SORCS2: variants seen among roughly 807,000 people sequenced by gnomAD.
SORCS2 encodes the protein sortilin related VPS10 domain containing receptor 2.
SORCS2 carries 100 observed loss-of-function variants against 141.6 expected under a neutral mutation model. The ratio of observed to expected loss-of-function variants is 0.71; its 90% CI spans 0.60 to 0.83. SORCS2 has a LOEUF of 0.83. Ranked by LOEUF, SORCS2 falls within the 40% of genes least tolerant of loss-of-function variation. SORCS2 has a pLI of 0.00. For missense variants in SORCS2, 1,646 were observed against 1,560.2 expected, an observed-to-expected ratio of 1.05 and a Z score of -0.93; for synonymous variants, 789 against 676.9, an observed-to-expected ratio of 1.17 and a Z score of -2.57.
chr4:7,304,094 G>C (rs577668884), intron 1 of SORCS2, among the ~76,000 whole-genome samples: 5 of 152,352 alleles, frequency 3.3e-5, no homozygotes, highest in East Asian at 1.9e-4. Context: ...ACCAATACTT[G>C]TTGACGCCTA....
chr4:7,292,568 G>T (rs776661198), intron 1 of SORCS2, among the ~76,000 whole-genome samples: 3 of 152,332 alleles, frequency 2.0e-5, no homozygotes, highest in Non-Finnish European at 1.5e-5. Flanking sequence ...TTTCTTTGGG[G>T]TTCTCCTTTA....
intron 2 of SORCS2, among the ~76,000 whole-genome samples, chr4:7,458,107 C>A (rs55756676): frequency 0.39 from 59,682 of 151,882 alleles, 12,273 homozygotes; most frequent in East Asian, 0.61. Flanking sequence ...AGTACTTCTG[C>A]GAAAAGTTTG....
intron 2 of SORCS2, chr4:7,434,894 C>T: frequency 6.5e-7 from 1 of 1,535,004 alleles, no homozygotes; most frequent in Non-Finnish European, 8.8e-7. Context: ...CCCAGGGACT[C>T]TCTGGCTCCA....
At chr4:7,540,681 AAG>A (rs1712564420) in intron 3 of SORCS2, among the ~76,000 whole-genome samples, 2 of 152,152 alleles carry the variant, frequency 1.3e-5, no homozygotes, top group Admixed American at 6.5e-5. Context: ...ACATCTGATG[AAG>A]AGAGTCATGA....
intron 3 of SORCS2, among the ~76,000 whole-genome samples, chr4:7,563,507 G>T (rs908124902): frequency 8.5e-5 from 13 of 152,220 alleles, no homozygotes; most frequent in Non-Finnish European, 1.8e-4. Context: ...CTGCCACTTG[G>T]ACTCTTCCAT....
At chr4:7,623,902 C>G (rs910211485) in intron 3 of SORCS2, among the ~76,000 whole-genome samples, 1 of 152,170 alleles carries the variant, frequency 6.6e-6, no homozygotes, top group Non-Finnish European at 1.5e-5. Flanking sequence ...AAGAGCAGCG[C>G]GCGTCCCATA....
intron 3 of SORCS2, among the ~76,000 whole-genome samples, chr4:7,602,277 C>A (rs952801783): frequency 4.7e-5 from 7 of 149,608 alleles, no homozygotes; most frequent in African/African-American, 1.7e-4. Flanking sequence ...CCCTCCCGGA[C>A]GGGGTGGCTG....
intron 2 of SORCS2, among the ~76,000 whole-genome samples, chr4:7,472,469 C>T (rs891358293): frequency 6.6e-6 from 1 of 152,150 alleles, no homozygotes; most frequent in Non-Finnish European, 1.5e-5. Context: ...ACAGGCACTA[C>T]AGGCCTAGTG....
At chr4:7,213,114 G>C (rs1271823269) in intron 1 of SORCS2, among the ~76,000 whole-genome samples, 2 of 152,236 alleles carry the variant, frequency 1.3e-5, no homozygotes, top group African/African-American at 4.8e-5. Flanking sequence ...ATGGTTTGCT[G>C]TCCATAAATC....
At chr4:7,222,187 C>T (rs769450681) in intron 1 of SORCS2, among the ~76,000 whole-genome samples, 2 of 152,156 alleles carry the variant, frequency 1.3e-5, no homozygotes, top group Non-Finnish European at 2.9e-5. Context: ...GAGACGAAAA[C>T]CCGTGTCTCT....
intron 6 of SORCS2, 28 bp downstream of exon 6, chr4:7,661,592 G>C: frequency 6.5e-7 from 1 of 1,549,240 alleles, no homozygotes; most frequent in Non-Finnish European, 8.7e-7. Flanking sequence ...CAGGCACCGG[G>C]TATCCCTGAG....
chr4:7,256,270 G>A (rs999239170), intron 1 of SORCS2, among the ~76,000 whole-genome samples: 7 of 152,190 alleles, frequency 4.6e-5, no homozygotes, highest in Admixed American at 3.3e-4. Context: ...AGCCAGGGCC[G>A]CCACGAGGGA....
intron 3 of SORCS2, among the ~76,000 whole-genome samples, chr4:7,621,487 A>C (rs1250871066): frequency 3.5e-5 from 5 of 144,912 alleles, no homozygotes; most frequent in African/African-American, 7.8e-5. Context: ...GTGTGTGTTT[A>C]TATGTGTGTC....
intron 1 of SORCS2, among the ~76,000 whole-genome samples, chr4:7,262,365 C>T (rs1373451644): frequency 2.0e-3 from 276 of 141,142 alleles, no homozygotes; most frequent in African/African-American, 6.8e-3. Context: ...CATCCACCCA[C>T]CTATCCATCT....
chr4:7,288,719 C>A (rs989411864), intron 1 of SORCS2, among the ~76,000 whole-genome samples: 5 of 143,984 alleles, frequency 3.5e-5, no homozygotes. Flanking sequence ...CCTTAATCAC[C>A]TTCTTACAGT....
chr4:7,562,672 G>A (rs1039357554), intron 3 of SORCS2, among the ~76,000 whole-genome samples: 1 of 152,162 alleles, frequency 6.6e-6, no homozygotes, highest in Non-Finnish European at 1.5e-5. Context: ...TAACAGAAAC[G>A]TATTCTCACA....
intron 3 of SORCS2, among the ~76,000 whole-genome samples, chr4:7,593,924 G>C (rs540805421): frequency 1.3e-5 from 2 of 152,352 alleles, no homozygotes; most frequent in East Asian, 3.9e-4. Context: ...AAGTGCTCTT[G>C]TTATGGGAAA....
chr4:7,535,718 G>A (rs960585447), intron 3 of SORCS2, among the ~76,000 whole-genome samples: 11 of 152,236 alleles, frequency 7.2e-5, no homozygotes, highest in Admixed American at 2.0e-4. Context: ...GCTGCAGGGT[G>A]ACAAAGCCTC....
chr4:7,728,127 G>A (rs1018309353), intron 21 of SORCS2, among the ~76,000 whole-genome samples: 3 of 152,236 alleles, frequency 2.0e-5, no homozygotes, highest in African/African-American at 4.8e-5. Flanking sequence ...GCCTGGGACA[G>A]ACCACCACTG....
Sources: allele counts gnomAD v4.1 joint callset (sites outside exome capture counted in the v4.1 genomes callset), GRCh38; gene constraint gnomAD v4.1.1; transcripts MANE v1.5; gene names NCBI Gene and HGNC (gene_info 2026-07-23, HGNC 2026-07-21).